The following KIR3DL1 variants were observed in gnomAD, a reference collection of about 807,000 sequenced individuals.
KIR3DL1 encodes killer cell immunoglobulin like receptor, three Ig domains and long cytoplasmic tail 1, also known as killer cell immunoglobulin-like receptor 3DL1.
Under a neutral mutation model 40.3 loss-of-function variants are expected in KIR3DL1, and 50 were observed. That is an observed-to-expected ratio of 1.24 (90% CI 0.99 to 1.57). KIR3DL1 has a LOEUF of 1.57. KIR3DL1 is among the 40% of genes most tolerant of loss of function. The pLI is 0.00. For missense variants in KIR3DL1, 661 were observed against 559.9 expected (o/e 1.18, Z -1.82); for synonymous variants, 257 against 207.2 (o/e 1.24, Z -2.07).
chr19:54,827,795 A>G (rs1193598449), intron 6 of KIR3DL1, among the ~76,000 whole-genome samples: 2 of 150,646 alleles, frequency 1.3e-5, no homozygotes, highest in African/African-American at 2.5e-5. Flanking sequence ...ATGAGATCAT[A>G]TAGAAAATGT....
chr19:54,827,398 C>A (rs562721329), intron 6 of KIR3DL1, among the ~76,000 whole-genome samples: 35 of 150,432 alleles, frequency 2.3e-4, no homozygotes, highest in Admixed American at 9.2e-4. Context: ...CGAGACCAGC[C>A]TGGCCAACAT....
At chr19:54,818,382 T>C in exon 3 of KIR3DL1, 1 of 1,606,974 alleles carries the variant, frequency 6.2e-7, no homozygotes, top group Non-Finnish European at 8.5e-7. Context: ...GACACGTGAC[T>C]CTTCGGTGTC....
chr19:54,821,208 T>G (rs2061615482), intron 4 of KIR3DL1, among the ~76,000 whole-genome samples: 1 of 150,316 alleles, frequency 6.7e-6, no homozygotes, highest in Non-Finnish European at 1.5e-5. Context: ...AATTTGTAGA[T>G]AGACACAAAA....
In KIR3DL1 at chr19:54,825,309, G is replaced by A. The variant is rs199687230; in HGVS notation, c.1000+231G>A. Among the ~76,000 whole-genome samples the A allele has an allele frequency of 8.1e-4, 121 of 149,450 alleles. 1 individual carries two copies. In the East Asian group the frequency reaches 8.3e-3, roughly 10 times the overall value. ...GAGACCTCCTACAAGCTAGAAGAAT[G>A]ATTGCCAATCTGACATCCTTCTCAG... On this transcript the variant is annotated intron_variant, in intron 6 of 8. Coordinates refer to ENST00000391728, the Ensembl canonical transcript of KIR3DL1.
rs1478760986 is a variant in KIR3DL1 at position 54,816,896 on chromosome 19, C to T, written c.34+362C>T. ...ATGGGCCTGGAGTGGAGATATGGGC[C>T]TGGAGGTGGAGTTATGGGCCTGCAG... On this transcript the variant is annotated intron_variant, in intron 1 of 8. Transcript: ENST00000391728. 8.8e-4 allele frequency among the ~76,000 whole-genome samples: 119 copies of T among 135,162 alleles called. 6 individuals are homozygous for T. The highest frequency in any genetic ancestry group is 3.3e-3 in the African/African-American group (114 of 34,658). The allele number at this position is 135,162 out of a possible 152,430, so 88.7% of individuals were successfully genotyped here.
At chr19:54,817,309 A>G (rs1438822557) in intron 1 of KIR3DL1, among the ~76,000 whole-genome samples, 1 of 140,632 alleles carries the variant, frequency 7.1e-6, no homozygotes, top group Non-Finnish European at 1.5e-5. Flanking sequence ...TGGAGTGGAG[A>G]TCTGGGCCTG....
chr19:54,819,660 T>C, intron 3 of KIR3DL1, 53 bp from the exon 4 acceptor site: 4 of 1,564,362 alleles, frequency 2.6e-6, no homozygotes, highest in Non-Finnish European at 2.6e-6. Flanking sequence ...CCAGGTGCCA[T>C]GGATGGGATG....
At chr19:54,817,609 A>G in intron 2 of KIR3DL1, 40 bp downstream of exon 2, 5 of 1,456,366 alleles carry the variant, frequency 3.4e-6, no homozygotes, top group Non-Finnish European at 4.7e-6. Flanking sequence ...ATCTCCCCAC[A>G]TAAGAGGATT....
At position 54,821,707 on chromosome 19, in the gene KIR3DL1, C is replaced by T. The variant is rs1436603650; in HGVS notation, c.798C>T (p.Leu266=). 1.1e-5 allele frequency: 17 copies of T among 1,609,208 alleles called. 2 individuals are homozygous for T. Among genetic ancestry groups the T allele is most frequent in the Middle Eastern group, 3.3e-4 (2 of 6,016 alleles). ...AGGGGGGAGCCCATGAACGTAGGCT[C>T]CCTGCAGTGCGCAAGGTCAACAGAA... Residue 266 remains leucine, a synonymous_variant, in exon 5 of 9, where the codon CTC becomes CTT. Coordinates refer to ENST00000391728, the Ensembl canonical transcript of KIR3DL1.
intron 5 of KIR3DL1, 135 bp from the exon 6 acceptor site, chr19:54,824,893 G>C: frequency 1.0e-6 from 1 of 955,914 alleles, no homozygotes; most frequent in Non-Finnish European, 1.6e-6. Context: ...AAAAATTATG[G>C]AGAAGAGGAT....
chr19:54,818,592 G>T (rs771891858), exon 3 of KIR3DL1: 2 of 1,609,376 alleles, frequency 1.2e-6, no homozygotes, highest in African/African-American at 1.4e-5. Context: ...TGGTGATCAT[G>T]GTCACAGGTC....
rs1454494522 is a variant in KIR3DL1, at chr19:54,825,002, C to T, written c.950-26C>T. The T allele has an allele frequency of 8.8e-6, 13 of 1,479,818 alleles. 5 individuals are homozygous for T. The highest frequency in any genetic ancestry group is 2.3e-5 in the South Asian group (2 of 88,558). The allele number at this position is 1,479,818 out of a possible 1,614,324, so 91.7% of individuals were successfully genotyped here. A position where few individuals can be genotyped will look rare whatever the true frequency, so the allele number is the denominator to read the frequency against. On this transcript the variant is annotated intron_variant, in intron 5 of 8. Transcript: ENST00000391728. ...TAGAGGACAAGCACCCTCATTTCCT[C>T]ACATCTCTCCTGTCCCATGTTCTAG...
At chr19:54,824,259 T>C (rs1400227800) in intron 5 of KIR3DL1, among the ~76,000 whole-genome samples, 2 of 151,588 alleles carry the variant, frequency 1.3e-5, no homozygotes, top group African/African-American at 4.9e-5. Flanking sequence ...CATTTGATTT[T>C]TGTGTATGGT....
intron 6 of KIR3DL1, among the ~76,000 whole-genome samples, chr19:54,826,982 T>C (rs797017086): frequency 0.012 from 1,780 of 146,196 alleles, 27 homozygotes; most frequent in African/African-American, 0.042. Context: ...ACATGATTAA[T>C]AGTGACTGAC....
At chr19:54,827,873 A>T (rs2061987042) in intron 6 of KIR3DL1, among the ~76,000 whole-genome samples, 1 of 150,282 alleles carries the variant, frequency 6.7e-6, no homozygotes, top group South Asian at 2.1e-4. Context: ...CACAAAAAAA[A>T]CTTGCCCCCT....
chr19:54,823,071 T>C lies in KIR3DL1; in HGVS notation c.949+1213T>C, dbSNP rs1465449927. The stretch of plus-strand genomic sequence containing the variant: ...TTTTTTGAGAAAGAGTTTCCCTCCT[T>C]AGTCCAAGCTGGAGTCTAAGTGGTG... On this transcript the variant is annotated intron_variant, in intron 5 of 8. Transcript: ENST00000391728. Among the ~76,000 whole-genome samples, 4 of 150,706 alleles carry C rather than the reference T, an allele frequency of 2.7e-5. No individual in the cohort carries two copies. The East Asian group carries it at 7.7e-4, about 29-fold the overall frequency.
chr19:54,827,367 G>A (rs1345389441), intron 6 of KIR3DL1, among the ~76,000 whole-genome samples: 1 of 150,804 alleles, frequency 6.6e-6, no homozygotes, highest in Non-Finnish European at 1.5e-5. Flanking sequence ...AAGGCCAGTG[G>A]ATTCCAAGAA....
chr19:54,827,742 G>A (rs62124147), intron 6 of KIR3DL1, among the ~76,000 whole-genome samples: 28,117 of 150,106 alleles, frequency 0.19, 3,181 homozygotes, highest in South Asian at 0.32. Context: ...TATCCATTAG[G>A]CAATCAGCCT....
intron 5 of KIR3DL1, among the ~76,000 whole-genome samples, chr19:54,823,327 A>G (rs1288900140): frequency 1.3e-5 from 2 of 151,142 alleles, no homozygotes; most frequent in African/African-American, 2.4e-5. Flanking sequence ...ATAAGCCACT[A>G]TGCCCAGCCT....
Sources: gnomAD v4.1 joint callset for allele counts (sites outside exome capture counted in the v4.1 genomes callset) on GRCh38, gnomAD v4.1.1 for gene constraint, MANE v1.5 for transcripts, NCBI Gene and HGNC (gene_info 2026-07-23, HGNC 2026-07-21) for gene names.